Variants in SOX30 observed in about 807,000 individuals in gnomAD.
SOX30 encodes transcription factor SOX-30.
A neutral mutation model predicts 58.6 loss-of-function variants in SOX30; 17 were observed. That is an observed-to-expected ratio of 0.29 (90% confidence interval 0.20 to 0.44). SOX30 has a LOEUF of 0.44. Ranked by LOEUF, SOX30 falls within the 20% of genes least tolerant of loss-of-function variation. SOX30 has a pLI of 1.00. For synonymous variants in SOX30, 421 were observed against 400.2 expected (o/e 1.05, Z -0.62); for missense variants, 951 against 965.8 (o/e 0.98, Z 0.20).
At chr5:157,646,558 A>G in intron 3 of SOX30, 79 bp downstream of exon 3, 1 of 1,028,180 alleles carries the variant, frequency 9.7e-7, no homozygotes, top group Non-Finnish European at 1.4e-6. Flanking sequence ...TAAGACTAAC[A>G]GAAAGAACAC....
At chr5:157,658,600 C>T (rs1471325922) in intron 2 of SOX30, among the ~76,000 whole-genome samples, 3 of 152,210 alleles carry the variant, frequency 2.0e-5, no homozygotes, top group East Asian at 3.8e-4. Flanking sequence ...CTGAGCTCCT[C>T]TCTACCCTGA....
rs1243433060 is a variant in SOX30, at chr5:157,651,783, C to T, written c.296G>A (p.Arg99Gln). ...CAGGTCGGGCCTGAACTGCAACAGCCGCGCCTGCGCGGACGAGGCAGCGGC... is the reference window on the plus strand; with the variant it reads ...CAGGTCGGGCCTGAACTGCAACAGCTGCGCCTGCGCGGACGAGGCAGCGGC... ...EEAAASSAQA[R>Q]LLQFRPDLRL... The change falls in exon 1 of 5, where the codon CGG becomes CAG. Residue 99 changes from arginine to glutamine, a missense_variant. Coordinates refer to ENST00000265007, the MANE Select transcript of SOX30 (RefSeq NM_178424.2). 6 of 1,567,828 alleles carry T rather than the reference C, an allele frequency of 3.8e-6. No homozygotes were observed. The highest frequency in any genetic ancestry group is 5.2e-6 in the Non-Finnish European group (6 of 1,160,370).
At chr5:157,647,070 T>G (rs1759212084) in intron 2 of SOX30, among the ~76,000 whole-genome samples, 3 of 151,760 alleles carry the variant, frequency 2.0e-5, no homozygotes, top group Admixed American at 2.0e-4. Flanking sequence ...AATTTTTTTT[T>G]TTTTTTTTTG....
chr5:157,647,594 G>A (rs891197361), intron 2 of SOX30, among the ~76,000 whole-genome samples: 3 of 151,846 alleles, frequency 2.0e-5, no homozygotes, highest in African/African-American at 4.8e-5. Context: ...TCACTCTGCC[G>A]CCCAGGCTGG....
chr5:157,670,859 A>G (rs908120802), intron 1 of SOX30, among the ~76,000 whole-genome samples: 1 of 152,198 alleles, frequency 6.6e-6, no homozygotes, highest in African/African-American at 2.4e-5. Flanking sequence ...TTTCTGGTCC[A>G]TTATGTGTGG....
At chr5:157,632,206 G>T in intron 4 of SOX30, among the ~76,000 whole-genome samples, 2 of 152,066 alleles carry the variant, frequency 1.3e-5, no homozygotes, top group Admixed American at 6.6e-5. Flanking sequence ...ACAGCACTGT[G>T]TTAGTGCATG....
At chr5:157,626,777 T>C (rs1440031941) in intron 4 of SOX30, 56 bp from the exon 5 acceptor site, 3 of 1,529,318 alleles carry the variant, frequency 2.0e-6, no homozygotes, top group Non-Finnish European at 2.6e-6. Context: ...TTGCCTTGCA[T>C]ACAGACTAAC....
intron 1 of SOX30, among the ~76,000 whole-genome samples, chr5:157,649,987 G>A (rs1328419059): frequency 1.3e-5 from 2 of 152,108 alleles, no homozygotes; most frequent in African/African-American, 4.8e-5. Context: ...AGGCCAAGGC[G>A]GAGGACTGCT....
rs903799759 is a variant in SOX30 at position 157,637,689 on chromosome 5, C to T, written c.1880+541G>A. On this transcript the variant is annotated intron_variant, in intron 4 of 4. Coordinates refer to ENST00000265007, the MANE Select transcript of SOX30 (RefSeq NM_178424.2). ...ATTTTGCATGAAAAATTATATCCAA[C>T]ATTAAAGCCTATATTCTTGTTCTTT... 2.0e-5 allele frequency among the ~76,000 whole-genome samples: 3 copies of T among 152,052 alleles called. No individual in the cohort carries two copies. The South Asian group carries it at 6.2e-4, about 32-fold the overall frequency.
chr5:157,667,678 G>C (rs1406110948), intron 2 of SOX30: 2 of 1,363,310 alleles, frequency 1.5e-6, no homozygotes, highest in Non-Finnish European at 1.9e-6. Flanking sequence ...CGCAGAGGCT[G>C]CAGTGACCTG....
Position 157,638,704 on chromosome 5 carries a change from A to T in SOX30, c.1406T>A (p.Ile469Asn). ...CTGGACTGCAGGTGTGGGCAGCTGGATAGCAGGTGAGGTTTCACCTTTAGA... is the reference window on the plus strand; with the variant it reads ...CTGGACTGCAGGTGTGGGCAGCTGGTTAGCAGGTGAGGTTTCACCTTTAGA... ...THPVGETSPA[I>N]QLPTPAVQSP... Residue 469 changes from isoleucine (I) to asparagine (N), a missense_variant, in exon 4 of 5, where the codon ATC becomes AAC. Physicochemically the swap from Ile to Asn is moderately radical, Grantham distance 149. Coordinates refer to ENST00000265007, the MANE Select transcript of SOX30 (RefSeq NM_178424.2). 1.2e-6 allele frequency: 2 copies of T among 1,609,956 alleles called. No homozygotes were observed. Among genetic ancestry groups the T allele is most frequent in the Non-Finnish European group, 1.7e-6 (2 of 1,177,430 alleles).
intron 4 of SOX30, 114 bp from the exon 5 acceptor site, chr5:157,626,835 C>A (rs1025306365): frequency 6.2e-6 from 7 of 1,124,784 alleles, no homozygotes; most frequent in Non-Finnish European, 8.7e-6. Context: ...TTCCTTTCTG[C>A]AAACACTTCA....
chr5:157,646,603 T>G, intron 3 of SOX30, 34 bp downstream of exon 3: 2 of 1,511,322 alleles, frequency 1.3e-6, no homozygotes, highest in Non-Finnish European at 1.8e-6. Flanking sequence ...TGCAGCTATT[T>G]AAAAAATAGT....
chr5:157,643,124 C>T (rs902102487), intron 3 of SOX30, among the ~76,000 whole-genome samples: 1 of 151,796 alleles, frequency 6.6e-6, no homozygotes, highest in African/African-American at 2.4e-5. Context: ...ACAACAACAA[C>T]AACAACAACA....
In SOX30 at chr5:157,646,696, C is replaced by T. The variant is rs760251674; in HGVS notation, c.1328G>A (p.Arg443His). 11 of 1,613,282 alleles carry T rather than the reference C, an allele frequency of 6.8e-6. No individual in the cohort carries two copies. Among genetic ancestry groups the T allele is most frequent in the Middle Eastern group, 1.6e-4 (1 of 6,062 alleles). Reference sequence around the variant, plus strand: ...AATTACCACAGAGTACGTAGGTGAGCGGTAAGGATAAACTGTTGTAGGATT... The same window carrying T: ...AATTACCACAGAGTACGTAGGTGAGTGGTAAGGATAAACTGTTGTAGGATT... ...STNPTTVYPYRSPTYSVVIPS... is the reference protein window; with the variant it reads ...STNPTTVYPYHSPTYSVVIPS... Residue 443 changes from arginine to histidine, a missense_variant, in exon 3 of 5, where the codon CGC (arginine) becomes CAC (histidine). Arg to His is a conservative substitution (Grantham distance 29, BLOSUM62 0). Transcript: ENST00000265007.
chr5:157,668,096 G>A (rs1759704834), intron 1 of SOX30, among the ~76,000 whole-genome samples: 1 of 152,226 alleles, frequency 6.6e-6, no homozygotes, highest in Non-Finnish European at 1.5e-5. Flanking sequence ...GCTTCATTAT[G>A]AGCACAGAGT....
chr5:157,661,817 G>A (rs180734714), intron 2 of SOX30, among the ~76,000 whole-genome samples: 2 of 152,264 alleles, frequency 1.3e-5, no homozygotes, highest in African/African-American at 4.8e-5. Context: ...GACGAGTGTT[G>A]TTCTATAATT....
intron 4 of SOX30, among the ~76,000 whole-genome samples, chr5:157,629,100 G>T (rs535199832): frequency 5.3e-5 from 8 of 152,234 alleles, no homozygotes; most frequent in African/African-American, 1.9e-4. Flanking sequence ...AGCACAGTAG[G>T]GTGCCTATAG....
Position 157,652,009 on chromosome 5 carries a change from C to G in SOX30, c.70G>C (p.Val24Leu), listed in dbSNP as rs765312303. Residue 24 changes from valine (V) to leucine (L), a missense_variant, in exon 1 of 5, where the codon GTC becomes CTC. Physicochemically the swap from Val to Leu is conservative, Grantham distance 32. Transcript: ENST00000265007. ...PLRPAPPPLPVEGTSFWAAAM... is the reference protein window; with the variant it reads ...PLRPAPPPLPLEGTSFWAAAM... The stretch of plus-strand genomic sequence containing the variant: ...GCTGCCCAAAAGGAGGTGCCCTCGA[C>G]CGGCAGCGGGGGCGGAGCGGGACGC... The G allele has an allele frequency of 2.8e-5, 40 of 1,429,530 alleles. No individual in the cohort carries two copies. In the African/African-American group the frequency reaches 5.8e-4, roughly 21 times the overall value. 88.6% of individuals were successfully genotyped at this position (1,429,530 alleles called of 1,614,324 possible).
Sources: allele counts gnomAD v4.1 joint callset (sites outside exome capture counted in the v4.1 genomes callset), GRCh38; gene constraint gnomAD v4.1.1; transcripts MANE v1.5; gene names NCBI Gene and HGNC (gene_info 2026-07-23, HGNC 2026-07-21).